ZSCAN5A: variants seen among roughly 807,000 people sequenced by gnomAD.
ZSCAN5A encodes the protein zinc finger and SCAN domain-containing protein 5A.
Under a neutral mutation model 23.7 loss-of-function variants are expected in ZSCAN5A, and 12 were observed. That is an observed-to-expected ratio of 0.51 (90% confidence interval 0.32 to 0.82). The LOEUF is 0.82. ZSCAN5A is among the 40% of genes least tolerant of loss of function. The pLI is 0.03. For synonymous variants in ZSCAN5A, 257 were observed against 239.9 expected (o/e 1.07, Z -0.66); for missense variants, 597 against 617.9 (o/e 0.97, Z 0.36).
chr19:56,239,109 A>G (rs1365642295), intron 2 of ZSCAN5A, among the ~76,000 whole-genome samples: 1 of 152,268 alleles, frequency 6.6e-6, no homozygotes, highest in Admixed American at 6.5e-5. Flanking sequence ...TCCAAAGAAC[A>G]TATCAGGAAG....
intron 2 of ZSCAN5A, among the ~76,000 whole-genome samples, chr19:56,350,993 C>G (rs368741449): frequency 1.3e-5 from 2 of 151,712 alleles, no homozygotes; most frequent in Admixed American, 1.3e-4. Flanking sequence ...AATTGCTGTC[C>G]CCCCCCAACC....
intron 2 of ZSCAN5A, chr19:56,284,934 C>G (rs2038992433): frequency 1.2e-6 from 1 of 837,532 alleles, no homozygotes; most frequent in African/African-American, 1.8e-5. Context: ...TGGGAGAAAT[C>G]CATTAATTAG....
intron 5 of ZSCAN5A, 25 bp from the exon 6 acceptor site, chr19:56,222,351 C>T (rs1555790536): frequency 3.7e-6 from 6 of 1,605,450 alleles, no homozygotes; most frequent in Non-Finnish European, 5.1e-6. Context: ...TCCACACACA[C>T]AGTTAATAAA....
intron 2 of ZSCAN5A, among the ~76,000 whole-genome samples, chr19:56,262,509 C>T (rs745691868): frequency 5.3e-4 from 81 of 151,736 alleles, no homozygotes; most frequent in Non-Finnish European, 1.3e-4. Context: ...GCAACCTCTG[C>T]CTCCTGGGTT....
intron 2 of ZSCAN5A, 100 bp from the exon 3 acceptor site, chr19:56,225,273 C>T (rs1349826578): frequency 1.7e-6 from 2 of 1,157,802 alleles, no homozygotes; most frequent in Non-Finnish European, 2.3e-6. Flanking sequence ...TCAGCAGCAT[C>T]GAATTCAGCA....
intron 2 of ZSCAN5A, among the ~76,000 whole-genome samples, chr19:56,325,851 C>A (rs2041427405): frequency 6.6e-6 from 1 of 151,944 alleles, no homozygotes; most frequent in Admixed American, 6.6e-5. Flanking sequence ...ATATTGAGTG[C>A]CTTTTGCCAG....
chr19:56,243,325 C>CT (rs1568635314), intron 2 of ZSCAN5A, among the ~76,000 whole-genome samples: 1 of 152,088 alleles, frequency 6.6e-6, no homozygotes, highest in Non-Finnish European at 1.5e-5. Context: ...GCATGCATGT[C>CT]TTAGTGCCAT....
chr19:56,269,875 G>T (rs2037724577), intron 2 of ZSCAN5A, among the ~76,000 whole-genome samples: 1 of 152,174 alleles, frequency 6.6e-6, no homozygotes, highest in Non-Finnish European at 1.5e-5. Context: ...ACCCATTTCA[G>T]ACTTCTCAAT....
intron 2 of ZSCAN5A, among the ~76,000 whole-genome samples, chr19:56,293,505 G>T (rs183339461): frequency 2.6e-5 from 4 of 152,364 alleles, no homozygotes; most frequent in African/African-American, 9.6e-5. Context: ...GAAAGGGAAA[G>T]AGGAACTGGC....
In ZSCAN5A at chr19:56,240,179, G is replaced by GA. The variant is rs113940738; in HGVS notation, c.-127-15007dup. 3.8e-3 allele frequency among the ~76,000 whole-genome samples: 561 copies of GA among 146,460 alleles called. 3 individuals carry two copies. The highest frequency in any genetic ancestry group is 0.013 in the African/African-American group (519 of 38,892). Reference sequence around the variant, plus strand: ...TCTGTCTCAAAAAAAACCAAAAGAAGAAAAAAAAACCCATAAAACCAAACA... The same window carrying GA: ...TCTGTCTCAAAAAAAACCAAAAGAAGAAAAAAAAAACCCATAAAACCAAACA... On this transcript the variant is annotated intron_variant, in intron 2 of 5. Coordinates refer to ENST00000683990, the MANE Select transcript of ZSCAN5A (RefSeq NM_001322064.3).
At chr19:56,257,234 T>C (rs2146811150) in intron 2 of ZSCAN5A, among the ~76,000 whole-genome samples, 1 of 152,186 alleles carries the variant, frequency 6.6e-6, no homozygotes, top group South Asian at 2.1e-4. Flanking sequence ...ACAGAAGCAA[T>C]GTGAATGGAC....
chr19:56,312,024 G>C (rs752351542), intron 2 of ZSCAN5A: 1 of 151,956 alleles, frequency 6.6e-6, no homozygotes, highest in Non-Finnish European at 1.5e-5. Context: ...CCAGAAGCCC[G>C]GTAAAATCAA....
intron 2 of ZSCAN5A, among the ~76,000 whole-genome samples, chr19:56,349,492 C>T (rs1336336449): frequency 2.0e-5 from 3 of 151,950 alleles, no homozygotes; most frequent in Admixed American, 6.5e-5. Flanking sequence ...GTCAGGAGAT[C>T]GAGACCAGCG....
chr19:56,274,520 A>G (rs2038106167), intron 2 of ZSCAN5A: 1 of 152,146 alleles, frequency 6.6e-6, no homozygotes, highest in Non-Finnish European at 1.5e-5. Flanking sequence ...TTTATTTTGA[A>G]ATTATTTTAG....
chr19:56,330,099 C>T (rs931681125), intron 2 of ZSCAN5A, among the ~76,000 whole-genome samples: 2 of 152,182 alleles, frequency 1.3e-5, no homozygotes, highest in African/African-American at 4.8e-5. Flanking sequence ...GTTTTCTGTT[C>T]CTGTGTTAAT....
At chr19:56,326,080 C>T (rs2041430163) in intron 2 of ZSCAN5A, among the ~76,000 whole-genome samples, 1 of 151,898 alleles carries the variant, frequency 6.6e-6, no homozygotes, top group Non-Finnish European at 1.5e-5. Context: ...CTACAGGCCC[C>T]CGCCACCACG....
chr19:56,273,513 T>C (rs2038012707), intron 2 of ZSCAN5A, among the ~76,000 whole-genome samples: 1 of 152,016 alleles, frequency 6.6e-6, no homozygotes, highest in Non-Finnish European at 1.5e-5. Context: ...ACACACATTC[T>C]AGTGTGGGGA....
Position 56,239,967 on chromosome 19 carries a change from G to T in ZSCAN5A, c.-127-14794C>A, listed in dbSNP as rs554303697. ...TCACTAGGTCAGGAGTTCAAGACCA[G>T]CCTGGCCAACATGGTGAAACCCCGT... On this transcript the variant is annotated intron_variant, in intron 2 of 5. Coordinates refer to ENST00000683990, the MANE Select transcript of ZSCAN5A (RefSeq NM_001322064.3). Among the ~76,000 whole-genome samples, 622 of 152,156 alleles carry T rather than the reference G, an allele frequency of 4.1e-3. 2 individuals carry two copies. The highest frequency in any genetic ancestry group is 0.014 in the African/African-American group (571 of 41,526).
At chr19:56,229,689 G>A (rs139624998) in intron 2 of ZSCAN5A, among the ~76,000 whole-genome samples, 217 of 152,286 alleles carry the variant, frequency 1.4e-3, no homozygotes, top group African/African-American at 4.9e-3. Flanking sequence ...ATCTGCTGAT[G>A]TCTATTAATA....
Sources: gnomAD v4.1 joint callset for allele counts (sites outside exome capture counted in the v4.1 genomes callset) on GRCh38, gnomAD v4.1.1 for gene constraint, MANE v1.5 for transcripts, NCBI Gene and HGNC (gene_info 2026-07-23, HGNC 2026-07-21) for gene names.